Variants in WNK2 observed in about 807,000 individuals in gnomAD.
WNK2 encodes the protein serine/threonine-protein kinase WNK2.
A neutral mutation model predicts 192.1 loss-of-function variants in WNK2; 67 were observed. The ratio of observed to expected loss-of-function variants is 0.35; its 90% CI spans 0.29 to 0.43. The LOEUF (loss-of-function observed/expected upper bound fraction) is 0.43. Among genes scored for constraint, WNK2 ranks in the 20% least tolerant of loss-of-function variants. The pLI is 1.00. For missense variants in WNK2, 2,698 were observed against 3,089.7 expected (o/e 0.87, Z 3.01); for synonymous variants, 1,439 against 1,393.9 (o/e 1.03, Z -0.72).
intron 21 of WNK2, among the ~76,000 whole-genome samples, chr9:93,290,574 C>T (rs1043616881): frequency 9.2e-5 from 14 of 152,234 alleles, no homozygotes; most frequent in African/African-American, 2.7e-4. Context: ...TGCAGGGACA[C>T]GTCACAGCTC....
chr9:93,205,639 A>G (rs1020662871), intron 2 of WNK2, among the ~76,000 whole-genome samples: 2 of 152,234 alleles, frequency 1.3e-5, no homozygotes, highest in Admixed American at 6.5e-5. Context: ...GCTCAGCCTC[A>G]TCCCGTGGGG....
intron 19 of WNK2, among the ~76,000 whole-genome samples, chr9:93,282,872 T>C (rs1380647208): frequency 6.6e-6 from 1 of 152,232 alleles, no homozygotes; most frequent in Non-Finnish European, 1.5e-5. Context: ...GCACACAGAA[T>C]ATTTTTAATT....
At chr9:93,201,005 G>A (rs1481671752) in intron 2 of WNK2, among the ~76,000 whole-genome samples, 2 of 152,188 alleles carry the variant, frequency 1.3e-5, no homozygotes, top group African/African-American at 4.8e-5. Flanking sequence ...AATGCTAACA[G>A]CAAGGGGCCT....
intron 19 of WNK2, 170 bp downstream of exon 19, chr9:93,268,916 T>G: frequency 6.4e-7 from 1 of 1,559,554 alleles, no homozygotes; most frequent in South Asian, 1.2e-5. Flanking sequence ...TATCCTTGTT[T>G]TCTGCTGAAT....
chr9:93,278,303 G>A (rs1395521920), intron 19 of WNK2, among the ~76,000 whole-genome samples: 1 of 152,118 alleles, frequency 6.6e-6, no homozygotes, highest in African/African-American at 2.4e-5. Context: ...TGAAGATAAC[G>A]GGTGATTCCC....
At chr9:93,291,923 C>G (rs1212370766) in intron 21 of WNK2, among the ~76,000 whole-genome samples, 1 of 152,176 alleles carries the variant, frequency 6.6e-6, no homozygotes, top group Non-Finnish European at 1.5e-5. Context: ...AGGGCTGGAA[C>G]CCAGCCCCAT....
intron 2 of WNK2, among the ~76,000 whole-genome samples, chr9:93,193,344 T>A (rs1447419351): frequency 2.6e-5 from 4 of 152,186 alleles, no homozygotes; most frequent in African/African-American, 7.2e-5. Flanking sequence ...CTGGGGGCTC[T>A]ATTGAGAGAA....
At chr9:93,195,684 G>A (rs1164899215) in intron 2 of WNK2, among the ~76,000 whole-genome samples, 1 of 65,408 alleles carries the variant, frequency 1.5e-5, no homozygotes, top group African/African-American at 6.0e-5. Flanking sequence ...GGGCAACAGA[G>A]TAAAGACTTT....
chr9:93,274,544 A>G (rs1846491242), intron 19 of WNK2, among the ~76,000 whole-genome samples: 1 of 151,926 alleles, frequency 6.6e-6, no homozygotes, highest in African/African-American at 2.4e-5. Flanking sequence ...AAAAAGAAAA[A>G]AAACACATAA....
chr9:93,277,695 T>C (rs1847145989), intron 19 of WNK2, among the ~76,000 whole-genome samples: 1 of 152,170 alleles, frequency 6.6e-6, no homozygotes, highest in South Asian at 2.1e-4. Flanking sequence ...AATGTTCCTA[T>C]ATAGGGAACA....
At chr9:93,260,236 G>C (rs1844005784) in intron 12 of WNK2, among the ~76,000 whole-genome samples, 1 of 152,166 alleles carries the variant, frequency 6.6e-6, no homozygotes, top group Non-Finnish European at 1.5e-5. Flanking sequence ...TTCCCACAGG[G>C]ATCCACACCC....
chr9:93,256,979 C>G lies in WNK2; in HGVS notation c.2222C>G (p.Pro741Arg). 6.3e-7 allele frequency: 1 copy of G among 1,589,616 alleles called. No homozygotes were observed. ...CCGCTGGCCCAGCCGACACCCCTGC[C>G]GCAGGTCCTGGCCCCACAGCCCGTG... ...PPPLAQPTPLPQVLAPQPVVP... is the reference protein window; with the variant it reads ...PPPLAQPTPLRQVLAPQPVVP... The change falls in exon 11 of 30, where the codon CCG becomes CGG. Residue 741 changes from proline to arginine, a missense_variant. Pro to Arg is a moderately radical substitution (Grantham distance 103). This residue lies in a region of WNK2 where 893 missense variants were observed against 909.0 expected (regional missense o/e 0.98). Coordinates refer to ENST00000427277, the MANE Select transcript of WNK2 (RefSeq NM_006648.4).
At chr9:93,195,480 CT>C (rs1399925646) in intron 2 of WNK2, among the ~76,000 whole-genome samples, 2 of 152,058 alleles carry the variant, frequency 1.3e-5, no homozygotes, top group Admixed American at 6.6e-5. Flanking sequence ...AGGTGGATCA[CT>C]TGAGGTCAGG....
chr9:93,282,082 T>G (rs1200367784), intron 19 of WNK2, among the ~76,000 whole-genome samples: 3 of 152,200 alleles, frequency 2.0e-5, no homozygotes, highest in African/African-American at 7.2e-5. Context: ...AAGTGAATTT[T>G]GACTGGATGA....
chr9:93,248,410 C>A (rs1181872028), intron 8 of WNK2, among the ~76,000 whole-genome samples: 1 of 152,242 alleles, frequency 6.6e-6, no homozygotes. Flanking sequence ...CCAGTTCAGT[C>A]CCACTCTGTG....
intron 19 of WNK2, among the ~76,000 whole-genome samples, chr9:93,280,565 C>T (rs972846543): frequency 6.6e-5 from 10 of 152,126 alleles, no homozygotes; most frequent in African/African-American, 2.4e-4. Flanking sequence ...TTCATAGCAG[C>T]GTTATTGATA....
chr9:93,205,448 C>G (rs1833179605), intron 2 of WNK2, among the ~76,000 whole-genome samples: 1 of 152,172 alleles, frequency 6.6e-6, no homozygotes, highest in Non-Finnish European at 1.5e-5. Flanking sequence ...CCTGGGCCCC[C>G]TTGTTCCTGG....
intron 18 of WNK2, 56 bp downstream of exon 18, chr9:93,268,121 C>A: frequency 1.9e-6 from 3 of 1,558,674 alleles, no homozygotes; most frequent in Non-Finnish European, 2.6e-6. Context: ...AAAGTCCCCA[C>A]TCAGCATATT....
chr9:93,262,638 C>T (rs772350730), intron 13 of WNK2, 32 bp from the exon 14 acceptor site: 1 of 1,612,166 alleles, frequency 6.2e-7, no homozygotes, highest in Admixed American at 1.7e-5. Flanking sequence ...GTCCGCATGA[C>T]CTGTTCTCTT....
Sources: allele counts gnomAD v4.1 joint callset (sites outside exome capture counted in the v4.1 genomes callset), GRCh38; gene constraint gnomAD v4.1.1; regional missense constraint gnomAD v4.1.1; transcripts MANE v1.5; gene names NCBI Gene and HGNC (gene_info 2026-07-23, HGNC 2026-07-21).